LRRTM3: variants seen among roughly 807,000 people sequenced by gnomAD.
LRRTM3 encodes leucine rich repeat transmembrane neuronal 3, also known as leucine-rich repeat transmembrane neuronal protein 3.
Under a neutral mutation model 44.7 loss-of-function variants are expected in LRRTM3, and 24 were observed. The observed-to-expected ratio is 0.54, with a 90% CI of 0.39 to 0.76. The LOEUF (loss-of-function observed/expected upper bound fraction) is 0.76. LRRTM3 is among the 30% of genes least tolerant of loss of function. The pLI, the probability that LRRTM3 is intolerant of heterozygous loss-of-function variation, is 0.00. For missense variants in LRRTM3, 587 were observed against 702.2 expected, an observed-to-expected ratio of 0.84 and a Z score of 1.85; for synonymous variants, 277 against 278.7, an observed-to-expected ratio of 0.99 and a Z score of 0.06.
intron 2 of LRRTM3, among the ~76,000 whole-genome samples, chr10:67,089,901 T>C (rs1486599912): frequency 6.6e-6 from 1 of 151,972 alleles, no homozygotes; most frequent in Admixed American, 6.6e-5. Flanking sequence ...GTTCTCCATT[T>C]CCCAGTCCTG....
intron 2 of LRRTM3, among the ~76,000 whole-genome samples, chr10:66,935,803 A>G (rs1346546276): frequency 6.6e-6 from 1 of 152,026 alleles, no homozygotes; most frequent in Non-Finnish European, 1.5e-5. Context: ...AAATATAAGA[A>G]CAGAGCCCTT....
chr10:66,981,085 A>G (rs1310681893), intron 2 of LRRTM3, among the ~76,000 whole-genome samples: 2 of 151,836 alleles, frequency 1.3e-5, no homozygotes, highest in Non-Finnish European at 2.9e-5. Flanking sequence ...TTGTATTTTT[A>G]CTAGAGAGGG....
rs1858222739 is a variant in LRRTM3, at chr10:67,099,662, A to T, written c.*1866A>T. ...AAAGAAAAAAGATGTAAATGTTGGA[A>T]GAAGCAAATTCTATTACTAATTCAA... is the stretch of plus-strand genomic sequence containing the variant. On this transcript the variant is annotated 3_prime_UTR_variant, in exon 3 of 3. Coordinates refer to ENST00000361320, the MANE Select transcript of LRRTM3 (RefSeq NM_178011.5). 1 of 152,244 alleles carries T rather than the reference A, an allele frequency of 6.6e-6. No homozygotes were observed. The highest frequency in any genetic ancestry group is 6.6e-5 in the Admixed American group (1 of 15,174). 9.4% of individuals were successfully genotyped at this position (152,244 alleles called of 1,614,324 possible).
At chr10:67,050,854 T>C (rs544689014) in intron 2 of LRRTM3, among the ~76,000 whole-genome samples, 1 of 152,238 alleles carries the variant, frequency 6.6e-6, no homozygotes, top group Non-Finnish European at 1.5e-5. Flanking sequence ...AAAATATTTA[T>C]GCAAAGTTTT....
At chr10:67,018,659 C>A (rs1364340602) in intron 2 of LRRTM3, among the ~76,000 whole-genome samples, 2 of 152,182 alleles carry the variant, frequency 1.3e-5, no homozygotes, top group South Asian at 2.1e-4. Flanking sequence ...ACCTACTAGC[C>A]TTTTTAACCG....
chr10:66,978,552 A>AAAAAAATATATATATATATAT, intron 2 of LRRTM3, among the ~76,000 whole-genome samples: 3 of 37,862 alleles, frequency 7.9e-5, no homozygotes, highest in Non-Finnish European at 9.7e-5. Context: ...AAAAAAAAAA[A>AAAAAAATATATATATATATAT]ATATATATAT....
At chr10:66,968,669 G>A (rs1849563682) in intron 2 of LRRTM3, among the ~76,000 whole-genome samples, 1 of 152,066 alleles carries the variant, frequency 6.6e-6, no homozygotes, top group African/African-American at 2.4e-5. Context: ...ATGAAACTGG[G>A]TATACAGCAC....
At chr10:66,984,645 C>T (rs1056246970) in intron 2 of LRRTM3, among the ~76,000 whole-genome samples, 42 of 152,246 alleles carry the variant, frequency 2.8e-4, no homozygotes, top group Middle Eastern at 3.4e-3. Context: ...TAAATATAGC[C>T]TGCAGAAGTT....
At chr10:67,064,532 T>A (rs1352747361) in intron 2 of LRRTM3, among the ~76,000 whole-genome samples, 2 of 152,210 alleles carry the variant, frequency 1.3e-5, no homozygotes, top group Non-Finnish European at 2.9e-5. Flanking sequence ...TCAGCAAGCT[T>A]TCTCTATAAC....
At chr10:67,080,720 T>C (rs1162957600) in intron 2 of LRRTM3, among the ~76,000 whole-genome samples, 1 of 151,752 alleles carries the variant, frequency 6.6e-6, no homozygotes, top group African/African-American at 2.4e-5. Context: ...CCATCCTGGC[T>C]AACACAGTGA....
intron 2 of LRRTM3, among the ~76,000 whole-genome samples, chr10:67,003,233 G>A (rs1306474028): frequency 6.6e-6 from 1 of 152,078 alleles, no homozygotes; most frequent in African/African-American, 2.4e-5. Flanking sequence ...TAATAATATT[G>A]GGGAATAAAC....
rs1847069118 is a variant in LRRTM3, at chr10:66,926,287, AC to A, written c.-291del. On this transcript the variant is annotated 5_prime_UTR_variant, in exon 1 of 3. Transcript: ENST00000361320. ...TTTTTTTTTTAACCGCCCCCTCCCC[AC>A]CCCCCAAAAAACTGTAAAGATGCAA... 1 of 374,100 alleles carries A rather than the reference AC, an allele frequency of 2.7e-6. No individual in the cohort carries two copies. Among genetic ancestry groups the A allele is most frequent in the Non-Finnish European group, 5.0e-6 (1 of 199,076 alleles). The allele number at this position is 374,100 out of a possible 1,614,324, so 23.2% of individuals were successfully genotyped here. A position where few individuals can be genotyped will look rare whatever the true frequency, so the allele number is the denominator to read the frequency against.
At chr10:66,991,304 C>T (rs1489833855) in intron 2 of LRRTM3, among the ~76,000 whole-genome samples, 4 of 151,954 alleles carry the variant, frequency 2.6e-5, no homozygotes, top group Admixed American at 6.6e-5. Flanking sequence ...TTTCTAAGTG[C>T]CAATGTCCAG....
intron 2 of LRRTM3, among the ~76,000 whole-genome samples, chr10:66,978,542 A>T (rs866355292): frequency 6.3e-4 from 43 of 68,552 alleles, no homozygotes; most frequent in South Asian, 1.7e-3. Flanking sequence ...AAAAAAAAAA[A>T]AAAAAAAAAA....
At chr10:66,977,463 A>G (rs1850116792) in intron 2 of LRRTM3, among the ~76,000 whole-genome samples, 1 of 151,966 alleles carries the variant, frequency 6.6e-6, no homozygotes, top group Admixed American at 6.6e-5. Context: ...TAAAGATCAT[A>G]TGATATGACC....
In LRRTM3 at chr10:66,952,322, T is replaced by C. The variant is rs146204867; in HGVS notation, c.1536+23870T>C. ...TGAAAAGAGACAGATGTCACTTTTA[T>C]ACTCAATCTAAGAGCTACTACCTTT... On this transcript the variant is annotated intron_variant, in intron 2 of 2. Transcript: ENST00000361320. Among the ~76,000 whole-genome samples, 1,271 of 152,328 alleles carry C rather than the reference T, an allele frequency of 8.3e-3. 8 individuals are homozygous for C. The highest frequency in any genetic ancestry group is 0.034 in the Middle Eastern group (10 of 294).
At chr10:66,969,017 AAAAT>A (rs896918415) in intron 2 of LRRTM3, among the ~76,000 whole-genome samples, 1 of 151,930 alleles carries the variant, frequency 6.6e-6, no homozygotes. Context: ...ACTCCATCTC[AAAAT>A]AAATAAATAA....
intron 2 of LRRTM3, among the ~76,000 whole-genome samples, chr10:66,969,698 C>CTGA (rs1334136847): frequency 1.3e-5 from 2 of 152,104 alleles, no homozygotes; most frequent in Non-Finnish European, 2.9e-5. Flanking sequence ...TAGGTCAAAG[C>CTGA]TGATATACTT....
chr10:66,934,096 T>C lies in LRRTM3; in HGVS notation c.1536+5644T>C, dbSNP rs146239526. 4.0e-3 allele frequency among the ~76,000 whole-genome samples: 608 copies of C among 152,226 alleles called. 4 individuals are homozygous for C. The highest frequency in any genetic ancestry group is 0.014 in the African/African-American group (579 of 41,542). ...GAGAACAGGAATATCTGGGACATGA[T>C]ATAAGACCAAGCAAGTACAATGTAT... is the stretch of plus-strand genomic sequence containing the variant. On this transcript the variant is annotated intron_variant, in intron 2 of 2. Coordinates refer to ENST00000361320, the MANE Select transcript of LRRTM3 (RefSeq NM_178011.5).
Sources: gnomAD v4.1 joint callset for allele counts (sites outside exome capture counted in the v4.1 genomes callset) on GRCh38, gnomAD v4.1.1 for gene constraint, MANE v1.5 for transcripts, NCBI Gene and HGNC (gene_info 2026-07-23, HGNC 2026-07-21) for gene names.